DPP6: variants seen among roughly 807,000 people sequenced by gnomAD.
DPP6 encodes the protein dipeptidyl peptidase like 6.
DPP6 carries 69 observed loss-of-function variants against 122.6 expected under a neutral mutation model. That is an observed-to-expected ratio of 0.56 (90% CI 0.46 to 0.69). The LOEUF is 0.69. Among genes scored for constraint, DPP6 ranks in the 30% least tolerant of loss-of-function variants. The pLI, the probability that DPP6 is intolerant of heterozygous loss-of-function variation, is 0.00. For synonymous variants in DPP6, 418 were observed against 433.1 expected (o/e 0.97, Z 0.43); for missense variants, 928 against 1,116.9 (o/e 0.83, Z 2.41).
At chr7:154,243,515 C>T (rs1801779834) in intron 1 of DPP6, among the ~76,000 whole-genome samples, 1 of 151,996 alleles carries the variant, frequency 6.6e-6, no homozygotes, top group African/African-American at 2.4e-5. Context: ...GCAGAAGAGG[C>T]CGGGGCACAG....
intron 1 of DPP6, among the ~76,000 whole-genome samples, chr7:154,368,389 C>G (rs919326468): frequency 2.6e-5 from 4 of 152,152 alleles, no homozygotes; most frequent in Non-Finnish European, 4.4e-5. Flanking sequence ...CATCCTATCC[C>G]AAGCCCACCG....
chr7:153,913,159 C>G (rs1370663443), intron 1 of DPP6, among the ~76,000 whole-genome samples: 1 of 152,182 alleles, frequency 6.6e-6, no homozygotes, highest in African/African-American at 2.4e-5. Flanking sequence ...ACTGCAACCT[C>G]TGCCTCCCAG....
intron 1 of DPP6, among the ~76,000 whole-genome samples, chr7:154,274,432 T>G (rs1162743213): frequency 6.6e-6 from 1 of 152,124 alleles, no homozygotes; most frequent in Non-Finnish European, 1.5e-5. Flanking sequence ...CTACATAAAG[T>G]CAGCTGATTC....
At chr7:154,832,558 C>A (rs184803361) in intron 16 of DPP6, among the ~76,000 whole-genome samples, 1 of 152,144 alleles carries the variant, frequency 6.6e-6, no homozygotes, top group Admixed American at 6.5e-5. Context: ...ACACTCGTTA[C>A]GTCTCACGCG....
the DPP6 span, among the ~76,000 whole-genome samples, chr7:153,869,926 A>G: frequency 1.3e-5 from 2 of 152,170 alleles, no homozygotes; most frequent in Non-Finnish European, 2.9e-5. Flanking sequence ...GTTTGGCTGG[A>G]TATGAAATTC....
intron 1 of DPP6, among the ~76,000 whole-genome samples, chr7:153,969,324 G>T (rs1795907722): frequency 7.0e-6 from 1 of 142,840 alleles, no homozygotes; most frequent in Non-Finnish European, 1.5e-5. Flanking sequence ...TAAGCCTTTG[G>T]TTATTTTGCA....
At chr7:154,090,362 A>G (rs1036911011) in intron 1 of DPP6, among the ~76,000 whole-genome samples, 1 of 152,188 alleles carries the variant, frequency 6.6e-6, no homozygotes, top group Non-Finnish European at 1.5e-5. Context: ...ACAAAGGTTC[A>G]GGTTCTGTGT....
At chr7:154,732,301 T>C (rs1329091751) in intron 8 of DPP6, among the ~76,000 whole-genome samples, 1 of 152,180 alleles carries the variant, frequency 6.6e-6, no homozygotes, top group Admixed American at 6.5e-5. Context: ...GCATGAGCTA[T>C]AGTGGGACAG....
intron 8 of DPP6, among the ~76,000 whole-genome samples, chr7:154,732,945 C>T (rs1266201044): frequency 6.6e-6 from 1 of 152,204 alleles, no homozygotes; most frequent in Non-Finnish European, 1.5e-5. Flanking sequence ...GCCAACAATA[C>T]TCACTTCTGC....
At chr7:154,752,258 C>T (rs925425801) in intron 8 of DPP6, among the ~76,000 whole-genome samples, 7 of 152,134 alleles carry the variant, frequency 4.6e-5, no homozygotes, top group Non-Finnish European at 1.0e-4. Flanking sequence ...ATAATTATCT[C>T]CAAAGTGATA....
chr7:153,798,127 C>T, the DPP6 span, among the ~76,000 whole-genome samples: 5 of 152,080 alleles, frequency 3.3e-5, no homozygotes, highest in Admixed American at 2.0e-4. Flanking sequence ...CAGGCGTGAG[C>T]CACCGTGCCC....
chr7:154,287,841 G>A (rs1330179988), intron 1 of DPP6, among the ~76,000 whole-genome samples: 1 of 152,174 alleles, frequency 6.6e-6, no homozygotes, highest in Non-Finnish European at 1.5e-5. Flanking sequence ...GTCCTGAGAT[G>A]TTCCTGCCAT....
intron 5 of DPP6, among the ~76,000 whole-genome samples, chr7:154,586,209 C>T (rs1331225205): frequency 6.6e-6 from 1 of 151,928 alleles, no homozygotes; most frequent in Non-Finnish European, 1.5e-5. Context: ...TTGTTGAGAC[C>T]GGGCACAGTG....
intron 1 of DPP6, among the ~76,000 whole-genome samples, chr7:154,341,686 G>T (rs1168095266): frequency 2.0e-5 from 3 of 151,554 alleles, no homozygotes; most frequent in Non-Finnish European, 4.4e-5. Context: ...TAGTCTTGGG[G>T]TGTGTATGCA....
chr7:154,782,973 G>A (rs763847607), intron 10 of DPP6, among the ~76,000 whole-genome samples: 26 of 151,906 alleles, frequency 1.7e-4, no homozygotes, highest in East Asian at 5.8e-4. Context: ...TAGTAGAGAC[G>A]GGGTTCCACC....
intron 1 of DPP6, among the ~76,000 whole-genome samples, chr7:154,347,098 T>C (rs7809603): frequency 0.18 from 26,836 of 152,168 alleles, 4,426 homozygotes; most frequent in African/African-American, 0.44. Flanking sequence ...CCATGTCAGA[T>C]TGTTGCCTTT....
At chr7:154,145,216 C>T (rs890819163) in intron 1 of DPP6, among the ~76,000 whole-genome samples, 4 of 152,302 alleles carry the variant, frequency 2.6e-5, no homozygotes, top group African/African-American at 9.6e-5. Context: ...AGAAAGACCC[C>T]TACAGCTAGT....
intron 1 of DPP6, among the ~76,000 whole-genome samples, chr7:154,117,942 T>C (rs566227800): frequency 5.3e-5 from 8 of 152,126 alleles, no homozygotes; most frequent in African/African-American, 1.7e-4. Context: ...TTAACACAGA[T>C]CTCCCGAACA....
chr7:154,213,347 A>G (rs904929718), intron 1 of DPP6, among the ~76,000 whole-genome samples: 14 of 152,224 alleles, frequency 9.2e-5, no homozygotes, highest in African/African-American at 3.4e-4. Flanking sequence ...CCAGTTTCCT[A>G]GAGGTAGTCC....
Sources: gnomAD v4.1 joint callset for allele counts (sites outside exome capture counted in the v4.1 genomes callset) on GRCh38, gnomAD v4.1.1 for gene constraint, MANE v1.5 for transcripts, NCBI Gene and HGNC (gene_info 2026-07-23, HGNC 2026-07-21) for gene names.